Variants in TENM3 observed in about 807,000 individuals in gnomAD.
TENM3 encodes the protein teneurin-3.
TENM3 carries 63 observed loss-of-function variants against 255.1 expected under a neutral mutation model. The ratio of observed to expected loss-of-function variants is 0.25; its 90% CI spans 0.20 to 0.30. The LOEUF is 0.30. Ranked by LOEUF, TENM3 falls within the 10% of genes least tolerant of loss-of-function variation. The pLI, the probability that TENM3 is intolerant of heterozygous loss-of-function variation, is 1.00. For missense variants in TENM3, 2,929 were observed against 3,461.1 expected, an observed-to-expected ratio of 0.85 and a Z score of 3.86; for synonymous variants, 1,306 against 1,322.3, an observed-to-expected ratio of 0.99 and a Z score of 0.27.
the TENM3 span, among the ~76,000 whole-genome samples, chr4:181,827,810 C>CT: frequency 6.6e-6 from 1 of 152,112 alleles, no homozygotes; most frequent in South Asian, 2.1e-4. Flanking sequence ...GACAGAGCAG[C>CT]TGTGAGAGTC....
the TENM3 span, among the ~76,000 whole-genome samples, chr4:181,957,283 A>G: frequency 6.6e-6 from 1 of 152,308 alleles, no homozygotes; most frequent in African/African-American, 2.4e-5. Flanking sequence ...ATGCTCATGG[A>G]CCACGGCCAG....
the TENM3 span, among the ~76,000 whole-genome samples, chr4:182,029,339 T>G: frequency 1.3e-5 from 2 of 152,234 alleles, no homozygotes; most frequent in Admixed American, 1.3e-4. Flanking sequence ...AATACCAGAT[T>G]TGGGCAAGGA....
intron 1 of TENM3, among the ~76,000 whole-genome samples, chr4:182,161,600 CATATATATATATGT>C (rs1751193237): frequency 9.4e-6 from 1 of 106,122 alleles, no homozygotes; most frequent in African/African-American, 3.7e-5. Context: ...TATATATATA[CATATATATATATGT>C]ATATATATAT....
At chr4:181,714,205 G>A in the TENM3 span, among the ~76,000 whole-genome samples, 1 of 152,194 alleles carries the variant, frequency 6.6e-6, no homozygotes, top group Non-Finnish European at 1.5e-5. Flanking sequence ...GGAGGCCAAA[G>A]CAGGGGGATC....
the TENM3 span, among the ~76,000 whole-genome samples, chr4:181,953,235 G>T: frequency 1.9e-4 from 29 of 150,146 alleles, no homozygotes; most frequent in South Asian, 6.2e-3. Flanking sequence ...TATTATGTGC[G>T]ATTTGGATAA....
the TENM3 span, among the ~76,000 whole-genome samples, chr4:181,463,092 A>C: frequency 3.3e-5 from 5 of 152,204 alleles, no homozygotes; most frequent in Non-Finnish European, 7.3e-5. Context: ...ATCTCTCTCT[A>C]CAAGACCTTT....
chr4:181,942,754 G>A, the TENM3 span, among the ~76,000 whole-genome samples: 1 of 152,144 alleles, frequency 6.6e-6, no homozygotes, highest in African/African-American at 2.4e-5. Context: ...TTTGTTTCAT[G>A]AAATGAGGGA....
At chr4:181,802,412 T>C in the TENM3 span, among the ~76,000 whole-genome samples, 85 of 152,336 alleles carry the variant, frequency 5.6e-4, no homozygotes, top group African/African-American at 1.9e-3. Flanking sequence ...TAGAAGACTT[T>C]GTAACAGAAT....
the TENM3 span, among the ~76,000 whole-genome samples, chr4:181,715,671 C>T: frequency 7.9e-5 from 12 of 152,168 alleles, no homozygotes; most frequent in African/African-American, 2.2e-4. Context: ...TGACCCAAGA[C>T]GTCTTGTACC....
chr4:182,766,673 G>A (rs937864868), intron 22 of TENM3, among the ~76,000 whole-genome samples: 18 of 152,186 alleles, frequency 1.2e-4, no homozygotes, highest in African/African-American at 4.1e-4. Flanking sequence ...GGCTGGACCA[G>A]AGAGGAGTGG....
chr4:181,515,802 T>C, the TENM3 span, among the ~76,000 whole-genome samples: 1 of 152,056 alleles, frequency 6.6e-6, no homozygotes, highest in African/African-American at 2.4e-5. Context: ...AGAGCTAAGA[T>C]CTAGAACCTG....
the TENM3 span, among the ~76,000 whole-genome samples, chr4:181,467,978 G>A: frequency 1.3e-5 from 2 of 151,820 alleles, no homozygotes; most frequent in African/African-American, 2.4e-5. Flanking sequence ...AAGTGATATC[G>A]CCACAGTACT....
intron 3 of TENM3, among the ~76,000 whole-genome samples, chr4:182,464,735 G>A (rs1732427157): frequency 6.6e-6 from 1 of 152,150 alleles, no homozygotes; most frequent in Admixed American, 6.5e-5. Flanking sequence ...TGATATCAGA[G>A]AAATATGTTT....
chr4:182,646,307 G>T (rs553424123), intron 5 of TENM3, among the ~76,000 whole-genome samples: 8 of 152,220 alleles, frequency 5.3e-5, no homozygotes, highest in Admixed American at 3.9e-4. Context: ...AGAACAACTG[G>T]GAACCAGCAG....
At position 182,628,834 on chromosome 4, in the gene TENM3, A is replaced by G. The variant is rs772887308; in HGVS notation, c.933A>G (p.Ala311=). 16 of 1,610,050 alleles carry G rather than the reference A, an allele frequency of 9.9e-6. No homozygotes were observed. In the South Asian group the frequency reaches 1.8e-4, roughly 18 times the overall value. The change falls in exon 5 of 28, where the codon GCA becomes GCG. Residue 311 remains alanine (A), a synonymous_variant. Coordinates refer to ENST00000511685, the MANE Select transcript of TENM3 (RefSeq NM_001080477.4). ...SSKYCSWKCT[A]LCAVGVSVLL... is the part of the protein sequence containing the mutation. ...AGTACTGTAGCTGGAAATGCACTGCACTGTGTGCCGTAGGGGTCTCGGTGC... is the reference window on the plus strand; with the variant it reads ...AGTACTGTAGCTGGAAATGCACTGCGCTGTGTGCCGTAGGGGTCTCGGTGC...
At chr4:181,815,558 T>C in the TENM3 span, among the ~76,000 whole-genome samples, 5 of 150,548 alleles carry the variant, frequency 3.3e-5, no homozygotes, top group African/African-American at 1.2e-4. Context: ...AACTTGAATA[T>C]AGAAGATATT....
chr4:182,421,879 C>T (rs1770860600), intron 3 of TENM3, among the ~76,000 whole-genome samples: 1 of 152,134 alleles, frequency 6.6e-6, no homozygotes, highest in Non-Finnish European at 1.5e-5. Context: ...TTTAGATCTA[C>T]CAGGTTCTTG....
chr4:182,277,956 C>T (rs892165855), intron 1 of TENM3, among the ~76,000 whole-genome samples: 5 of 152,190 alleles, frequency 3.3e-5, no homozygotes, highest in African/African-American at 7.2e-5. Flanking sequence ...CACTCCCTAC[C>T]GCCCTCAACC....
chr4:182,054,180 T>A, the TENM3 span, among the ~76,000 whole-genome samples: 1 of 152,174 alleles, frequency 6.6e-6, no homozygotes, highest in Non-Finnish European at 1.5e-5. Context: ...ATACAGAAGA[T>A]GCACACATTT....
Sources: allele counts gnomAD v4.1 joint callset (sites outside exome capture counted in the v4.1 genomes callset), GRCh38; gene constraint gnomAD v4.1.1; transcripts MANE v1.5; gene names NCBI Gene and HGNC (gene_info 2026-07-23, HGNC 2026-07-21).